Variants in BCAR3 observed in about 807,000 individuals in gnomAD.
BCAR3 encodes breast cancer anti-estrogen resistance protein 3.
A neutral mutation model predicts 80.1 loss-of-function variants in BCAR3; 37 were observed. The ratio of observed to expected loss-of-function variants is 0.46; its 90% CI spans 0.36 to 0.61. The LOEUF (loss-of-function observed/expected upper bound fraction) is 0.61, where lower values mean the gene tolerates loss of function less well. BCAR3 is among the 20% of genes least tolerant of loss of function. BCAR3 has a pLI of 0.00. For missense variants in BCAR3, 978 were observed against 1,068.2 expected, an observed-to-expected ratio of 0.92 and a Z score of 1.18; for synonymous variants, 389 against 418.9, an observed-to-expected ratio of 0.93 and a Z score of 0.87.
upstream of BCAR3, among the ~76,000 whole-genome samples, chr1:93,686,577 T>C (rs1032124055): frequency 1.4e-4 from 22 of 152,216 alleles, no homozygotes; most frequent in Admixed American, 1.2e-3. Flanking sequence ...ACTTTACCAA[T>C]TAAGAAACTT....
At position 93,681,790 on chromosome 1, in the gene BCAR3, T is replaced by TCCGGTC. The variant is rs1347518762; in HGVS notation, c.-210_-205dup. 6.6e-6 allele frequency: 1 copy of TCCGGTC among 151,696 alleles called. No individual in the cohort carries two copies. The highest frequency in any genetic ancestry group is 1.5e-5 in the Non-Finnish European group (1 of 67,974). The allele number at this position is 151,696 out of a possible 1,614,324, so 9.4% of individuals were successfully genotyped here. On this transcript the variant is annotated 5_prime_UTR_variant, in exon 1 of 12. Transcript: ENST00000260502. ...AGCCGGTGCGCCCCGCAGCTCCGGCTCCGGTCCCGGCCCCGTCCCCCGCCC... is the reference window on the plus strand; with the variant it reads ...AGCCGGTGCGCCCCGCAGCTCCGGCTCCGGTCCCGGTCCCGGCCCCGTCCCCCGCCC...
At chr1:93,637,812 T>C (rs1296994355) in intron 3 of BCAR3, among the ~76,000 whole-genome samples, 1 of 152,112 alleles carries the variant, frequency 6.6e-6, no homozygotes, top group African/African-American at 2.4e-5. Context: ...GCTACAAGAT[T>C]TTCCTCTCCA....
intron 2 of BCAR3, among the ~76,000 whole-genome samples, chr1:93,809,043 G>C (rs1653742155): frequency 6.6e-6 from 1 of 152,204 alleles, no homozygotes; most frequent in South Asian, 2.1e-4. Flanking sequence ...AAGTAGAAGA[G>C]AGAGAGAAGC....
chr1:93,573,325 A>C (rs951343754), intron 8 of BCAR3, among the ~76,000 whole-genome samples: 11 of 152,128 alleles, frequency 7.2e-5, no homozygotes, highest in Admixed American at 1.3e-4. Context: ...TGAACCCAGG[A>C]GGCAGAGGTT....
At chr1:93,816,091 A>AGT (rs1654006241) in intron 2 of BCAR3, among the ~76,000 whole-genome samples, 1 of 152,216 alleles carries the variant, frequency 6.6e-6, no homozygotes, top group Non-Finnish European at 1.5e-5. Context: ...GGAAAACTAT[A>AGT]CTAGAAAATT....
chr1:93,613,339 G>C (rs1304414810), intron 3 of BCAR3, among the ~76,000 whole-genome samples: 1 of 152,160 alleles, frequency 6.6e-6, no homozygotes, highest in Non-Finnish European at 1.5e-5. Flanking sequence ...TATAACAAAT[G>C]TTAAAATGTG....
chr1:93,828,279 T>A (rs1654438520), intron 2 of BCAR3, among the ~76,000 whole-genome samples: 1 of 152,206 alleles, frequency 6.6e-6, no homozygotes, highest in African/African-American at 2.4e-5. Flanking sequence ...CCCTCCAGCC[T>A]GGGCGACAGA....
chr1:93,733,878 T>TA (rs1161241115), intron 2 of BCAR3, among the ~76,000 whole-genome samples: 1 of 152,232 alleles, frequency 6.6e-6, no homozygotes, highest in Non-Finnish European at 1.5e-5. Flanking sequence ...CAGATAGGCA[T>TA]AGTAGACAAG....
At chr1:93,754,791 C>T (rs901117457) in intron 2 of BCAR3, among the ~76,000 whole-genome samples, 3 of 152,098 alleles carry the variant, frequency 2.0e-5, no homozygotes, top group Non-Finnish European at 2.9e-5. Flanking sequence ...GACTATGATA[C>T]TTGTTTATGT....
At chr1:93,753,543 T>TACACACAC (rs5776188) in intron 2 of BCAR3, 5 of 137,560 alleles carry the variant, frequency 3.6e-5, no homozygotes, top group Non-Finnish European at 7.8e-5. Context: ...TGCACGCGGG[T>TACACACAC]ACACACACAC....
intron 2 of BCAR3, among the ~76,000 whole-genome samples, chr1:93,746,799 C>A (rs1306302401): frequency 6.6e-6 from 1 of 152,120 alleles, no homozygotes; most frequent in East Asian, 1.9e-4. Flanking sequence ...CTGGCTTTTA[C>A]CCCCACTTGC....
chr1:93,763,856 G>A (rs1420380705), intron 2 of BCAR3, among the ~76,000 whole-genome samples: 2 of 152,178 alleles, frequency 1.3e-5, no homozygotes, highest in African/African-American at 4.8e-5. Context: ...TGAATATGAT[G>A]TCACTGAATG....
At chr1:93,567,715 A>C (rs1398194073) in intron 10 of BCAR3, 25 bp downstream of exon 10, 4 of 1,596,222 alleles carry the variant, frequency 2.5e-6, no homozygotes, top group Admixed American at 1.7e-5. Context: ...GGGTAGCCCC[A>C]TGCTTGCTCT....
At chr1:93,809,988 G>GAC (rs1653777379) in intron 2 of BCAR3, among the ~76,000 whole-genome samples, 1 of 151,824 alleles carries the variant, frequency 6.6e-6, no homozygotes, top group African/African-American at 2.4e-5. Flanking sequence ...ATCACCTGAG[G>GAC]TCAGGAGTTC....
intron 2 of BCAR3, among the ~76,000 whole-genome samples, chr1:93,825,085 TG>T (rs1413172417): frequency 7.5e-6 from 1 of 134,174 alleles, no homozygotes; most frequent in Non-Finnish European, 1.7e-5. Context: ...AGCTCTAGAA[TG>T]GTTTCTCTGG....
chr1:93,771,549 C>T (rs1652356399), intron 2 of BCAR3, among the ~76,000 whole-genome samples: 1 of 152,158 alleles, frequency 6.6e-6, no homozygotes, highest in African/African-American at 2.4e-5. Context: ...GTGAACCAGG[C>T]ATCAAGGGCA....
In BCAR3 at chr1:93,791,116, G is replaced by A. The variant is rs1183901899; in HGVS notation, c.-63+54451C>T. ...GTGAATAATGCCGCAATAAACATAC[G>A]TGTGCATGTGTCTTTATAGCAGCAT... On this transcript the variant is annotated intron_variant, in intron 2 of 13. Coordinates refer to the BCAR3 transcript ENST00000370244. 1.1e-4 allele frequency among the ~76,000 whole-genome samples: 9 copies of A among 81,994 alleles called. 1 individual carries two copies. Among genetic ancestry groups the A allele is most frequent in the East Asian group, 6.3e-4 (1 of 1,596 alleles). 53.8% of individuals were successfully genotyped at this position (81,994 alleles called of 152,430 possible). A position where few individuals can be genotyped will look rare whatever the true frequency, so the allele number is the denominator to read the frequency against.
chr1:93,751,207 G>A (rs953068092), intron 2 of BCAR3, among the ~76,000 whole-genome samples: 4 of 152,112 alleles, frequency 2.6e-5, no homozygotes, highest in Admixed American at 1.3e-4. Context: ...GGAAGTGGCA[G>A]AGCTGGGGCT....
At chr1:93,571,925 T>G in intron 8 of BCAR3, 84 bp from the exon 9 acceptor site, 1 of 1,454,904 alleles carries the variant, frequency 6.9e-7, no homozygotes, top group Non-Finnish European at 9.3e-7. Context: ...AGCAGGGCTG[T>G]TTTTGTGCCA....
Sources: gnomAD v4.1 joint callset for allele counts (sites outside exome capture counted in the v4.1 genomes callset) on GRCh38, gnomAD v4.1.1 for gene constraint, MANE v1.5 for transcripts, NCBI Gene and HGNC (gene_info 2026-07-23, HGNC 2026-07-21) for gene names.